DDHD1: variants seen among roughly 807,000 people sequenced by gnomAD.
DDHD1 encodes phospholipase DDHD1.
In DDHD1, 49 loss-of-function variants were observed where a neutral mutation model predicts 96.4. The observed-to-expected ratio is 0.51, with a 90% CI of 0.40 to 0.64. The LOEUF is 0.64. DDHD1 is among the 30% of genes least tolerant of loss of function. DDHD1 has a pLI of 0.00. For synonymous variants in DDHD1, 442 were observed against 446.5 expected, an observed-to-expected ratio of 0.99 and a Z score of 0.13; for missense variants, 1,106 against 1,161.2, an observed-to-expected ratio of 0.95 and a Z score of 0.69.
intron 11 of DDHD1, among the ~76,000 whole-genome samples, chr14:53,052,253 CA>C (rs1882656867): frequency 6.6e-6 from 1 of 151,862 alleles, no homozygotes; most frequent in Non-Finnish European, 1.5e-5. Flanking sequence ...CTAGACTTTT[CA>C]AAAGAAGAAT....
chr14:53,121,782 G>C (rs1889009999), intron 1 of DDHD1, among the ~76,000 whole-genome samples: 1 of 152,122 alleles, frequency 6.6e-6, no homozygotes. Flanking sequence ...GGAAGCAAGG[G>C]AGGGAGACCA....
intron 1 of DDHD1, among the ~76,000 whole-genome samples, chr14:53,105,794 T>G (rs192454561): frequency 6.6e-5 from 10 of 152,218 alleles, no homozygotes; most frequent in Admixed American, 5.9e-4. Flanking sequence ...ATGATTGACA[T>G]ATTTGAACTC....
chr14:53,085,795 T>C (rs923419726), intron 4 of DDHD1, among the ~76,000 whole-genome samples: 3 of 152,168 alleles, frequency 2.0e-5, no homozygotes, highest in East Asian at 1.9e-4. Context: ...GGACAGAGAA[T>C]GACTTTGATG....
intron 6 of DDHD1, among the ~76,000 whole-genome samples, chr14:53,068,668 T>G (rs1884253604): frequency 6.6e-6 from 1 of 152,238 alleles, no homozygotes; most frequent in African/African-American, 2.4e-5. Context: ...TGTGTTCTCC[T>G]GTGTGTGTCA....
chr14:53,107,858 C>A (rs1357709488), intron 1 of DDHD1, among the ~76,000 whole-genome samples: 1 of 152,112 alleles, frequency 6.6e-6, no homozygotes, highest in African/African-American at 2.4e-5. Flanking sequence ...TTAGCTCACA[C>A]CCGACCAATC....
At chr14:53,063,534 G>A (rs1294851676) in intron 6 of DDHD1, among the ~76,000 whole-genome samples, 1 of 148,972 alleles carries the variant, frequency 6.7e-6, no homozygotes, top group Non-Finnish European at 1.5e-5. Context: ...GATTTTCAAA[G>A]ACCCCCGCAA....
intron 1 of DDHD1, among the ~76,000 whole-genome samples, chr14:53,122,598 G>C (rs201844767): frequency 2.1e-5 from 1 of 48,332 alleles, no homozygotes; most frequent in African/African-American, 6.2e-5. Context: ...TTTTTTTTTT[G>C]ACACAGTCTC....
At chr14:53,072,918 AT>A (rs1032252192) in intron 5 of DDHD1, among the ~76,000 whole-genome samples, 8 of 152,114 alleles carry the variant, frequency 5.3e-5, no homozygotes, top group African/African-American at 1.9e-4. Flanking sequence ...GAAAAGAAAC[AT>A]TAAAGGATGA....
rs1462235331 is a variant in DDHD1 at position 53,152,341 on chromosome 14, T to C, written c.758A>G (p.Asn253Ser). ...GHEPEMVELV[N>S]IEPVCVRGGL... ...GCCCCGCACGCACACAGGCTCGATG[T>C]TCACAAGCTCCACCATCTCCGGCTC... The change falls in exon 1 of 13, where the codon AAC becomes AGC. Residue 253 changes from asparagine (N) to serine (S), a missense_variant. Coordinates refer to ENST00000673822, the MANE Select transcript of DDHD1 (RefSeq NM_001160148.2). 6.2e-7 allele frequency: 1 copy of C among 1,613,980 alleles called. No individual in the cohort carries two copies.
chr14:53,121,485 T>C (rs949914581), intron 1 of DDHD1, among the ~76,000 whole-genome samples: 23 of 152,344 alleles, frequency 1.5e-4, no homozygotes, highest in African/African-American at 5.3e-4. Context: ...TGCACACATA[T>C]GTTCACTGTG....
In DDHD1 at chr14:53,046,609, TTC is replaced by T. The variant is rs1566509207; in HGVS notation, c.*157_*158del. On this transcript the variant is annotated 3_prime_UTR_variant, in exon 13 of 13. Transcript: ENST00000673822. ...AAATGACTTCTTCAGAACTGAAAACTTCTTTTTTTTTTAAATAAAGTGCTTTT... is the reference window on the plus strand; with the variant it reads ...AAATGACTTCTTCAGAACTGAAAACTTTTTTTTTTTAAATAAAGTGCTTTT... 5 of 444,284 alleles carry T rather than the reference TTC, an allele frequency of 1.1e-5. No individual in the cohort carries two copies. Among genetic ancestry groups the T allele is most frequent in the African/African-American group, 3.3e-5 (1 of 30,464 alleles). The allele number at this position is 444,284 out of a possible 1,614,324, so 27.5% of individuals were successfully genotyped here.
intron 2 of DDHD1, among the ~76,000 whole-genome samples, chr14:53,098,896 A>C (rs1425339841): frequency 6.6e-6 from 1 of 152,104 alleles, no homozygotes; most frequent in Non-Finnish European, 1.5e-5. Context: ...TGTGATTTTT[A>C]TAGTCAGGTC....
chr14:53,103,964 T>C (rs1887502373), intron 1 of DDHD1, 108 bp from the exon 2 acceptor site: 2 of 905,668 alleles, frequency 2.2e-6, no homozygotes, highest in Middle Eastern at 2.3e-4. Flanking sequence ...CAAAAACAGA[T>C]TTTCATGACC....
chr14:53,072,743 A>T, intron 5 of DDHD1, 40 bp from the exon 6 acceptor site: 1 of 1,433,042 alleles, frequency 7.0e-7, no homozygotes. Context: ...ACTTATAGAA[A>T]GTCTCTGTTA....
rs758336095 is a variant in DDHD1, at chr14:53,062,934, A to G, written c.1766+9T>C. ...TTTAAAAATTTTTCAAAAGATGAGG[A>G]TATTTTACCGTCGTTTAGTTATATA... On this transcript the variant is annotated intron_variant, in intron 7 of 12. Coordinates refer to ENST00000673822, the MANE Select transcript of DDHD1 (RefSeq NM_001160148.2). The G allele has an allele frequency of 1.4e-5, 23 of 1,606,710 alleles. No individual in the cohort carries two copies. Among genetic ancestry groups the G allele is most frequent in the Middle Eastern group, 1.6e-4 (1 of 6,064 alleles).
intron 2 of DDHD1, among the ~76,000 whole-genome samples, chr14:53,097,786 T>C (rs994538424): frequency 6.6e-6 from 1 of 151,956 alleles, no homozygotes; most frequent in African/African-American, 2.4e-5. Flanking sequence ...GATACACAAA[T>C]GAAGGCTTTC....
intron 4 of DDHD1, among the ~76,000 whole-genome samples, chr14:53,076,125 T>A (rs1884940507): frequency 6.6e-6 from 1 of 152,152 alleles, no homozygotes; most frequent in African/African-American, 2.4e-5. Context: ...AAACAAATTT[T>A]ATAATGCTAT....
intron 1 of DDHD1, among the ~76,000 whole-genome samples, chr14:53,148,741 G>A (rs998817572): frequency 6.6e-6 from 1 of 152,198 alleles, no homozygotes; most frequent in East Asian, 1.9e-4. Context: ...TTTCACCTCT[G>A]ATGAGGTACT....
intron 2 of DDHD1, among the ~76,000 whole-genome samples, chr14:53,100,840 A>G (rs1045688146): frequency 3.3e-5 from 5 of 152,172 alleles, no homozygotes; most frequent in Non-Finnish European, 7.4e-5. Context: ...GAATAATTCC[A>G]CTGCATTGTG....
Sources: gnomAD v4.1 joint callset for allele counts (sites outside exome capture counted in the v4.1 genomes callset) on GRCh38, gnomAD v4.1.1 for gene constraint, MANE v1.5 for transcripts, NCBI Gene and HGNC (gene_info 2026-07-23, HGNC 2026-07-21) for gene names.